SYNE1: variants seen among roughly 807,000 people sequenced by gnomAD.
SYNE1 encodes spectrin repeat containing nuclear envelope protein 1, also known as nesprin-1.
A neutral mutation model predicts 1,111.0 loss-of-function variants in SYNE1; 616 were observed. The ratio of observed to expected loss-of-function variants is 0.55; its 90% CI spans 0.52 to 0.59. The LOEUF (loss-of-function observed/expected upper bound fraction) is 0.59. SYNE1 is among the 20% of genes least tolerant of loss of function. The probability of loss-of-function intolerance (pLI) is 0.00; values close to 1 mark genes in which losing one functional copy is unlikely to be tolerated. For synonymous variants in SYNE1, 3,855 were observed against 3,825.8 expected (o/e 1.01, Z -0.28); for missense variants, 10,006 against 10,417.0 (o/e 0.96, Z 1.72).
At chr6:152,147,442 G>A (rs1422422705) in intron 137 of SYNE1, 1 of 152,368 alleles carries the variant, frequency 6.6e-6, no homozygotes, top group African/African-American at 2.4e-5. Context: ...AGGAGCCACA[G>A]CTCTTTTCCA....
chr6:152,140,263 A>G (rs1585952647), intron 139 of SYNE1, 102 bp from the exon 140 acceptor site: 1 of 1,148,434 alleles, frequency 8.7e-7, no homozygotes, highest in South Asian at 1.3e-5. Context: ...ATAGCAACAG[A>G]AAGAAAAGTA....
At chr6:152,299,611 T>A (rs2095064176) in intron 93 of SYNE1, among the ~76,000 whole-genome samples, 4 of 152,062 alleles carry the variant, frequency 2.6e-5, no homozygotes, top group African/African-American at 9.7e-5. Context: ...GTTGATAATT[T>A]CCCTAGAGCT....
intron 3 of SYNE1, among the ~76,000 whole-genome samples, chr6:152,543,253 T>C (rs1337757488): frequency 6.6e-6 from 1 of 152,176 alleles, no homozygotes; most frequent in Non-Finnish European, 1.5e-5. Context: ...TTTCCTTTTT[T>C]ACTATGGTTG....
At chr6:152,301,655 TC>T (rs2095173272) in intron 92 of SYNE1, among the ~76,000 whole-genome samples, 1 of 152,232 alleles carries the variant, frequency 6.6e-6, no homozygotes, top group African/African-American at 2.4e-5. Context: ...TTCAGCTGTC[TC>T]GAGCACATAG....
At chr6:152,253,692 T>C (rs989131610) in intron 104 of SYNE1, among the ~76,000 whole-genome samples, 8 of 152,082 alleles carry the variant, frequency 5.3e-5, no homozygotes, top group Non-Finnish European at 1.0e-4. Flanking sequence ...AAAATGAAAC[T>C]CAAATGTTTG....
At chr6:152,440,929 T>C (rs989217352) in intron 32 of SYNE1, among the ~76,000 whole-genome samples, 1 of 152,192 alleles carries the variant, frequency 6.6e-6, no homozygotes, top group Non-Finnish European at 1.5e-5. Context: ...TCCAATTTGA[T>C]AAAAATCTTT....
intron 3 of SYNE1, among the ~76,000 whole-genome samples, chr6:152,587,974 A>T (rs1420044550): frequency 1.3e-5 from 2 of 152,226 alleles, no homozygotes; most frequent in Non-Finnish European, 2.9e-5. Context: ...CAACTCTTAC[A>T]TTGGGCTTGT....
At chr6:152,586,655 T>TACACACACAC (rs10530898) in intron 3 of SYNE1, among the ~76,000 whole-genome samples, 12 of 149,376 alleles carry the variant, frequency 8.0e-5, no homozygotes, top group South Asian at 4.2e-4. Context: ...CATACTCTCA[T>TACACACACAC]ACACACACAC....
intron 69 of SYNE1, 65 bp downstream of exon 69, chr6:152,353,198 G>A (rs1010658022): frequency 2.8e-5 from 44 of 1,574,024 alleles, no homozygotes; most frequent in Non-Finnish European, 3.3e-5. Flanking sequence ...CAGTATCTAT[G>A]CAGGAGAATG....
chr6:152,371,605 G>A, intron 59 of SYNE1, among the ~76,000 whole-genome samples: 1 of 129,366 alleles, frequency 7.7e-6, no homozygotes. Flanking sequence ...GGAGAGGAGA[G>A]GGGAAAGGGA....
chr6:152,207,770 G>C (rs886772165), intron 125 of SYNE1, among the ~76,000 whole-genome samples: 2 of 152,206 alleles, frequency 1.3e-5, no homozygotes, highest in Non-Finnish European at 2.9e-5. Flanking sequence ...CAGCCTTTGT[G>C]AGAGGCTGGG....
At chr6:152,298,755 A>G (rs1359097750) in intron 93 of SYNE1, among the ~76,000 whole-genome samples, 1 of 152,052 alleles carries the variant, frequency 6.6e-6, no homozygotes, top group African/African-American at 2.4e-5. Flanking sequence ...ATGGTGTCAT[A>G]TTTTTTCATT....
At position 152,354,930 on chromosome 6, in the gene SYNE1, A is replaced by T; in HGVS notation, c.10655T>A (p.Val3552Glu). 1.2e-6 allele frequency: 2 copies of T among 1,614,130 alleles called. No homozygotes were observed. The highest frequency in any genetic ancestry group is 2.2e-5 in the South Asian group (2 of 91,088). Residue 3552 changes from valine (V) to glutamate (E), a missense_variant, in exon 67 of 146, where the codon GTG becomes GAG. Val to Glu is a moderately radical substitution (Grantham distance 121). Transcript: ENST00000367255. ...GATCACATCCTCTCTGGTGTGCAGCACTGAGTTCAACAGGGCCTGCCCCTC... is the reference window on the plus strand; with the variant it reads ...GATCACATCCTCTCTGGTGTGCAGCTCTGAGTTCAACAGGGCCTGCCCCTC... ...CAEGQALLNS[V>E]LHTREDVIPS...
intron 3 of SYNE1, among the ~76,000 whole-genome samples, chr6:152,541,817 G>C (rs935718047): frequency 6.6e-6 from 1 of 151,506 alleles, no homozygotes; most frequent in Non-Finnish European, 1.5e-5. Flanking sequence ...CTGGGAGGGG[G>C]TGTGGGTTGA....
chr6:152,589,884 A>G (rs566288077), intron 3 of SYNE1, among the ~76,000 whole-genome samples: 1 of 151,190 alleles, frequency 6.6e-6, no homozygotes, highest in East Asian at 1.9e-4. Context: ...ATAAAAGCAT[A>G]CTTCACTCAG....
intron 78 of SYNE1, among the ~76,000 whole-genome samples, chr6:152,326,968 C>G (rs191756095): frequency 6.6e-6 from 1 of 152,250 alleles, no homozygotes; most frequent in East Asian, 1.9e-4. Flanking sequence ...GGATGTTTAT[C>G]AAAGTGCAGT....
intron 3 of SYNE1, among the ~76,000 whole-genome samples, chr6:152,547,347 C>T (rs763107922): frequency 2.6e-5 from 4 of 152,158 alleles, no homozygotes; most frequent in African/African-American, 4.8e-5. Context: ...AGCCTATTAG[C>T]GGAGGCTGAT....
At chr6:152,159,421 A>G (rs111353466) in intron 131 of SYNE1, among the ~76,000 whole-genome samples, 9 of 152,338 alleles carry the variant, frequency 5.9e-5, no homozygotes, top group African/African-American at 2.2e-4. Flanking sequence ...CCACTGGTGT[A>G]CAGGACTTTT....
rs570030870 is a variant in SYNE1 at position 152,636,761 on chromosome 6, G to T, written c.-347C>A. On this transcript the variant is annotated 5_prime_UTR_variant, in exon 2 of 146. Coordinates refer to ENST00000367255, the MANE Select transcript of SYNE1 (RefSeq NM_182961.4). ...TGCGCGGCTGTCCGCCCGCCCTGTC[G>T]CCGGGATCGGGCGCGGTCTGCAGGA... 1.2e-4 allele frequency: 18 copies of T among 152,350 alleles called. No homozygotes were observed. The East Asian group carries it at 3.5e-3, about 30-fold the overall frequency. 9.4% of individuals were successfully genotyped at this position (152,350 alleles called of 1,614,324 possible). A position where few individuals can be genotyped will look rare whatever the true frequency, so the allele number is the denominator to read the frequency against.
Sources: gnomAD v4.1 joint callset for allele counts (sites outside exome capture counted in the v4.1 genomes callset) on GRCh38, gnomAD v4.1.1 for gene constraint, MANE v1.5 for transcripts, NCBI Gene and HGNC (gene_info 2026-07-23, HGNC 2026-07-21) for gene names.